Variants in IPO7 observed in about 807,000 individuals in gnomAD.
IPO7 encodes the protein importin-7.
In IPO7, 13 loss-of-function variants were observed where a neutral mutation model predicts 136.4. That is an observed-to-expected ratio of 0.10 (90% CI 0.06 to 0.15). IPO7 has a LOEUF of 0.15. Ranked by LOEUF, IPO7 falls within the 10% of genes least tolerant of loss-of-function variation. The pLI is 1.00. For missense variants in IPO7, 857 were observed against 1,240.6 expected (o/e 0.69, Z 4.65); for synonymous variants, 403 against 404.4 (o/e 1.00, Z 0.04).
chr11:9,392,767 G>A (rs1338073302), intron 1 of IPO7, among the ~76,000 whole-genome samples: 2 of 151,830 alleles, frequency 1.3e-5, no homozygotes, highest in African/African-American at 2.4e-5. Context: ...TGGTCAACAT[G>A]GCAAAACCCT....
chr11:9,422,805 C>G (rs1855153080), intron 8 of IPO7, among the ~76,000 whole-genome samples: 1 of 152,026 alleles, frequency 6.6e-6, no homozygotes, highest in Admixed American at 6.6e-5. Context: ...AAAAAAAACC[C>G]CAGAAAAACG....
chr11:9,395,982 C>T (rs1351099756), intron 1 of IPO7, among the ~76,000 whole-genome samples: 2 of 152,028 alleles, frequency 1.3e-5, no homozygotes, highest in African/African-American at 2.4e-5. Context: ...CTCAGCCTCC[C>T]AGAGTGCTGG....
At chr11:9,413,018 T>G (rs1473615558) in intron 4 of IPO7, among the ~76,000 whole-genome samples, 4 of 151,318 alleles carry the variant, frequency 2.6e-5, no homozygotes, top group Non-Finnish European at 5.9e-5. Context: ...TAGCTGGGAC[T>G]ATAGGCGCCC....
At chr11:9,443,249 A>G (rs894575531) in intron 24 of IPO7, among the ~76,000 whole-genome samples, 2 of 151,952 alleles carry the variant, frequency 1.3e-5, no homozygotes, top group African/African-American at 4.8e-5. Flanking sequence ...TCAGTTTGCA[A>G]TAACTTTAGC....
intron 24 of IPO7, among the ~76,000 whole-genome samples, chr11:9,443,364 G>A (rs566768502): frequency 1.4e-5 from 2 of 147,674 alleles, no homozygotes; most frequent in African/African-American, 5.0e-5. Context: ...AGGCTGAGGC[G>A]GGTGGATCAC....
intron 22 of IPO7, 133 bp from the exon 23 acceptor site, chr11:9,440,322 A>T: frequency 1.4e-6 from 1 of 721,060 alleles, no homozygotes; most frequent in African/African-American, 1.8e-5. Context: ...ACATGTATTT[A>T]AACACCAATT....
rs1855515912 is a variant in IPO7, at chr11:9,445,484, A to C, written c.*290A>C. 2 of 259,438 alleles carry C rather than the reference A, an allele frequency of 7.7e-6. No individual in the cohort carries two copies. 16.1% of individuals were successfully genotyped at this position (259,438 alleles called of 1,614,324 possible). On this transcript the variant is annotated 3_prime_UTR_variant, in exon 25 of 25. Coordinates refer to ENST00000379719, the MANE Select transcript of IPO7 (RefSeq NM_006391.3). Reference sequence around the variant, plus strand: ...GAAGCTTCAAAGTGACACTGTGGAAATCTGAAACGAGGGGATGTCATGAAG... The same window carrying C: ...GAAGCTTCAAAGTGACACTGTGGAACTCTGAAACGAGGGGATGTCATGAAG...
At chr11:9,419,559 A>AAT (rs1244588095) in intron 6 of IPO7, among the ~76,000 whole-genome samples, 3,415 of 116,652 alleles carry the variant, frequency 0.029, 120 homozygotes, top group East Asian at 0.12. Context: ...AAAAAAAAAA[A>AAT]ATATATATAT....
At chr11:9,406,164 G>T (rs1854884632) in intron 2 of IPO7, among the ~76,000 whole-genome samples, 1 of 132,194 alleles carries the variant, frequency 7.6e-6, no homozygotes, top group East Asian at 2.3e-4. Context: ...TGTTTCCCCG[G>T]CTGGTTTCGG....
chr11:9,436,450 C>T (rs1855369955), intron 20 of IPO7, 84 bp downstream of exon 20: 1 of 881,048 alleles, frequency 1.1e-6, no homozygotes, highest in African/African-American at 1.7e-5. Flanking sequence ...GCATTTGTTG[C>T]ATATTCTGTA....
In IPO7 at chr11:9,384,857, C is replaced by T. The variant is rs767580129; in HGVS notation, c.84+10C>T. ...GCGCCAGCTCAATGAAGTAAGGACG[C>T]CCGGCTAGCGGTGGCGGCGGGCAGG... On this transcript the variant is annotated intron_variant, in intron 1 of 24. Transcript: ENST00000379719. The T allele has an allele frequency of 1.3e-5, 20 of 1,586,884 alleles. No individual in the cohort carries two copies. The highest frequency in any genetic ancestry group is 2.3e-5 in the South Asian group (2 of 87,500).
intron 12 of IPO7, among the ~76,000 whole-genome samples, chr11:9,426,914 C>CT (rs745594814): frequency 6.6e-6 from 1 of 151,458 alleles, no homozygotes; most frequent in African/African-American, 2.4e-5. Context: ...TCCCCGCCCC[C>CT]CCGCCATATG....
At chr11:9,397,976 A>G (rs2133725240) in intron 1 of IPO7, among the ~76,000 whole-genome samples, 1 of 152,338 alleles carries the variant, frequency 6.6e-6, no homozygotes, top group Non-Finnish European at 1.5e-5. Flanking sequence ...TAGATTTACA[A>G]CCAAGACTAT....
chr11:9,429,893 C>A, intron 15 of IPO7, 59 bp downstream of exon 15: 3 of 1,291,428 alleles, frequency 2.3e-6, no homozygotes, highest in South Asian at 1.5e-5. Flanking sequence ...CAGTATGTTC[C>A]AGGTTGTGTC....
At chr11:9,415,802 C>T (rs1227112031) in intron 5 of IPO7, among the ~76,000 whole-genome samples, 1 of 151,700 alleles carries the variant, frequency 6.6e-6, no homozygotes, top group Non-Finnish European at 1.5e-5. Flanking sequence ...CGCACCACTG[C>T]ACTCCAGCCT....
At chr11:9,385,187 G>T (rs535217591) in intron 1 of IPO7, among the ~76,000 whole-genome samples, 12 of 152,268 alleles carry the variant, frequency 7.9e-5, no homozygotes, top group African/African-American at 2.9e-4. Context: ...GGTTCCTCAC[G>T]TCCAGGAGGG....
At chr11:9,423,899 G>C in intron 10 of IPO7, 23 bp downstream of exon 10, 2 of 1,414,258 alleles carry the variant, frequency 1.4e-6, no homozygotes, top group Non-Finnish European at 2.0e-6. Flanking sequence ...CACGTTTTTA[G>C]AAACAAAAAA....
chr11:9,434,076 A>G (rs540856692), intron 18 of IPO7, among the ~76,000 whole-genome samples: 2 of 152,202 alleles, frequency 1.3e-5, no homozygotes, highest in East Asian at 3.9e-4. Context: ...GGCATGCGCC[A>G]CCATGCCCGG....
At chr11:9,391,662 CCACTG>C (rs1356174378) in intron 1 of IPO7, among the ~76,000 whole-genome samples, 2 of 152,120 alleles carry the variant, frequency 1.3e-5, no homozygotes, top group African/African-American at 4.8e-5. Context: ...AGAGATCACA[CCACTG>C]CACTCCAGCC....
Sources: allele counts gnomAD v4.1 joint callset (sites outside exome capture counted in the v4.1 genomes callset), GRCh38; gene constraint gnomAD v4.1.1; transcripts MANE v1.5; gene names NCBI Gene and HGNC (gene_info 2026-07-23, HGNC 2026-07-21).